DCLK1: variants seen among roughly 807,000 people sequenced by gnomAD.
DCLK1 encodes doublecortin like kinase 1, also known as serine/threonine-protein kinase DCLK1.
A neutral mutation model predicts 86.2 loss-of-function variants in DCLK1; 16 were observed. The ratio of observed to expected loss-of-function variants is 0.19; its 90% confidence interval spans 0.13 to 0.28. DCLK1 has a LOEUF of 0.28. DCLK1 is among the 10% of genes least tolerant of loss of function. DCLK1 has a pLI of 1.00. For synonymous variants in DCLK1, 369 were observed against 370.5 expected (o/e 1.00, Z 0.05); for missense variants, 590 against 940.2 (o/e 0.63, Z 4.87).
chr13:35,911,833 C>A (rs1193072649), intron 4 of DCLK1, among the ~76,000 whole-genome samples: 1 of 152,148 alleles, frequency 6.6e-6, no homozygotes, highest in Non-Finnish European at 1.5e-5. Context: ...TTGGATAAAA[C>A]AGCATCTGGC....
At chr13:36,086,684 T>C (rs973926372) in intron 3 of DCLK1, among the ~76,000 whole-genome samples, 3 of 152,136 alleles carry the variant, frequency 2.0e-5, no homozygotes, top group Non-Finnish European at 4.4e-5. Flanking sequence ...TGTATTCTCA[T>C]TGTTCAACTC....
chr13:36,073,334 C>T (rs977574257), intron 3 of DCLK1, among the ~76,000 whole-genome samples: 4 of 152,116 alleles, frequency 2.6e-5, no homozygotes, highest in Non-Finnish European at 5.9e-5. Context: ...TTAAGGGCCT[C>T]TTATGGGATA....
At chr13:35,997,180 G>C (rs1880513079) in intron 3 of DCLK1, among the ~76,000 whole-genome samples, 1 of 152,214 alleles carries the variant, frequency 6.6e-6, no homozygotes, top group Admixed American at 6.5e-5. Context: ...GCAAAGCCAA[G>C]GCTAGCCCAC....
chr13:36,105,841 C>T (rs1028339070), intron 3 of DCLK1, among the ~76,000 whole-genome samples: 2 of 152,078 alleles, frequency 1.3e-5, no homozygotes, highest in African/African-American at 4.8e-5. Flanking sequence ...ACTGACTGAC[C>T]AGCTGACTTT....
intron 2 of DCLK1, among the ~76,000 whole-genome samples, chr13:36,120,341 A>C (rs1463894639): frequency 6.6e-6 from 1 of 152,202 alleles, no homozygotes; most frequent in Non-Finnish European, 1.5e-5. Context: ...TAAGATTATA[A>C]CACCATATTT....
intron 3 of DCLK1, among the ~76,000 whole-genome samples, chr13:36,024,102 G>T (rs2153151399): frequency 6.6e-6 from 1 of 151,450 alleles, no homozygotes; most frequent in East Asian, 1.9e-4. Context: ...CACCATGTTG[G>T]CAAGGCTGGT....
intron 5 of DCLK1, among the ~76,000 whole-genome samples, chr13:35,868,401 TG>T (rs1369428756): frequency 6.6e-6 from 1 of 152,190 alleles, no homozygotes; most frequent in Non-Finnish European, 1.5e-5. Flanking sequence ...TTGATTTTCT[TG>T]GAATATCTGT....
chr13:35,963,922 G>A (rs1469197668), intron 3 of DCLK1, among the ~76,000 whole-genome samples: 1 of 152,154 alleles, frequency 6.6e-6, no homozygotes, highest in Non-Finnish European at 1.5e-5. Context: ...CCAATTTTGA[G>A]TATGTCTTTA....
At chr13:36,105,118 G>A (rs1327886466) in intron 3 of DCLK1, among the ~76,000 whole-genome samples, 1 of 152,122 alleles carries the variant, frequency 6.6e-6, no homozygotes, top group Non-Finnish European at 1.5e-5. Context: ...TTTGCCAGAG[G>A]TCACACTACT....
intron 3 of DCLK1, among the ~76,000 whole-genome samples, chr13:36,029,415 A>G (rs569761903): frequency 1.3e-5 from 2 of 152,284 alleles, no homozygotes; most frequent in African/African-American, 4.8e-5. Flanking sequence ...TCCTTATTGC[A>G]TTCCCCAGTG....
intron 12 of DCLK1, among the ~76,000 whole-genome samples, 185 bp downstream of exon 12, chr13:35,810,650 T>C (rs938197372): frequency 6.6e-6 from 1 of 152,102 alleles, no homozygotes; most frequent in African/African-American, 2.4e-5. Flanking sequence ...ACAAAACAGA[T>C]TGGGAAAACA....
chr13:36,005,756 A>G (rs1442190498), intron 3 of DCLK1, among the ~76,000 whole-genome samples: 11 of 152,194 alleles, frequency 7.2e-5, no homozygotes, highest in Non-Finnish European at 1.2e-4. Context: ...CAAAGACTAG[A>G]AACCAACCGA....
chr13:35,885,314 A>T (rs1291385918), intron 4 of DCLK1, among the ~76,000 whole-genome samples: 1 of 152,222 alleles, frequency 6.6e-6, no homozygotes, highest in Non-Finnish European at 1.5e-5. Flanking sequence ...CAACAAAAAA[A>T]AAATTCTCCC....
chr13:35,897,326 C>G (rs1174316257), intron 4 of DCLK1, among the ~76,000 whole-genome samples: 1 of 152,112 alleles, frequency 6.6e-6, no homozygotes, highest in African/African-American at 2.4e-5. Context: ...GCAAGGAAAC[C>G]AGACAGGGGC....
In DCLK1 at chr13:35,772,816, T is replaced by C. The variant is rs1226122639; in HGVS notation, c.*1719A>G. ...CATGTGATTTAAAAATCCATATTAA[T>C]GTAGACCATAGTTTCAGGGTTGAAG... On this transcript the variant is annotated 3_prime_UTR_variant, in exon 17 of 17. Transcript: ENST00000360631. 1 of 152,206 alleles carries C rather than the reference T, an allele frequency of 6.6e-6. No individual in the cohort carries two copies. The highest frequency in any genetic ancestry group is 1.9e-4 in the East Asian group (1 of 5,200). The allele number at this position is 152,206 out of a possible 1,614,324, so 9.4% of individuals were successfully genotyped here.
chr13:35,941,406 T>G (rs1877074230), intron 4 of DCLK1, among the ~76,000 whole-genome samples: 1 of 152,176 alleles, frequency 6.6e-6, no homozygotes, highest in African/African-American at 2.4e-5. Flanking sequence ...AGATCTTGGG[T>G]ACCCAACACC....
intron 9 of DCLK1, 91 bp from the exon 10 acceptor site, chr13:35,827,845 G>T: frequency 6.8e-7 from 1 of 1,479,846 alleles, no homozygotes; most frequent in South Asian, 1.2e-5. Context: ...TAAGGGTCAA[G>T]AGAGATGCAT....
chr13:35,962,443 G>A (rs913896264), intron 3 of DCLK1, among the ~76,000 whole-genome samples: 3 of 152,112 alleles, frequency 2.0e-5, no homozygotes, highest in Non-Finnish European at 4.4e-5. Context: ...CTAGGGGAGA[G>A]GCCTGGGAAT....
chr13:35,841,057 G>A (rs1046734094), intron 6 of DCLK1, among the ~76,000 whole-genome samples: 1 of 152,158 alleles, frequency 6.6e-6, no homozygotes, highest in African/African-American at 2.4e-5. Context: ...CTACAATGTA[G>A]ACCTTCTCTT....
Sources: gnomAD v4.1 joint callset for allele counts (sites outside exome capture counted in the v4.1 genomes callset) on GRCh38, gnomAD v4.1.1 for gene constraint, MANE v1.5 for transcripts, NCBI Gene and HGNC (gene_info 2026-07-23, HGNC 2026-07-21) for gene names.